The following PALMD variants were observed in gnomAD, a reference collection of about 807,000 sequenced individuals.
The protein encoded by PALMD is paralemmin-like protein.
A neutral mutation model predicts 56.2 loss-of-function variants in PALMD; 42 were observed. The ratio of observed to expected loss-of-function variants is 0.75; its 90% confidence interval spans 0.58 to 0.97. The LOEUF (loss-of-function observed/expected upper bound fraction) is 0.97. Among genes scored for constraint, PALMD ranks in the 50% least tolerant of loss-of-function variants. PALMD has a pLI of 0.00. For synonymous variants in PALMD, 242 were observed against 222.9 expected (o/e 1.09, Z -0.76); for missense variants, 660 against 643.8 (o/e 1.03, Z -0.27).
chr1:99,667,157 T>C (rs1652983050), intron 2 of PALMD, among the ~76,000 whole-genome samples: 1 of 152,166 alleles, frequency 6.6e-6, no homozygotes, highest in Admixed American at 6.5e-5. Flanking sequence ...CCACTAAAGA[T>C]TTTTTTAAAG....
intron 2 of PALMD, among the ~76,000 whole-genome samples, chr1:99,662,967 AT>A (rs370814426): frequency 2.0e-5 from 3 of 152,172 alleles, no homozygotes; most frequent in African/African-American, 7.2e-5. Flanking sequence ...GGGTGTGGCC[AT>A]TTTGTAATTA....
intron 3 of PALMD, among the ~76,000 whole-genome samples, chr1:99,680,078 T>G (rs896408038): frequency 2.0e-5 from 3 of 152,222 alleles, no homozygotes; most frequent in African/African-American, 7.2e-5. Context: ...AATGGCAAAC[T>G]CTATCAGGTT....
intron 3 of PALMD, chr1:99,669,471 A>G (rs1653039001): frequency 6.6e-6 from 1 of 152,158 alleles, no homozygotes; most frequent in South Asian, 2.1e-4. Flanking sequence ...TACTTTCTTT[A>G]TTCCTCAACA....
intron 1 of PALMD, among the ~76,000 whole-genome samples, chr1:99,648,527 A>G (rs1652492574): frequency 6.6e-6 from 1 of 152,136 alleles, no homozygotes; most frequent in South Asian, 2.1e-4. Flanking sequence ...AAACTCAGAG[A>G]GTATCTTCTC....
At position 99,688,893 on chromosome 1, in the gene PALMD, T is replaced by C. The variant is rs773950171; in HGVS notation, c.633T>C (p.Asp211=). ...DFKGTGIKVY[D]DGQKSVYAVS... is the part of the protein sequence containing the mutation. ...AAGGTACAGGAATAAAAGTTTATGA[T>C]GATGGGCAAAAGTCAGTGTATGCAG... is the stretch of plus-strand genomic sequence containing the variant. Residue 211 remains aspartate, a synonymous_variant, in exon 7 of 8, where the codon GAT becomes GAC. Transcript: ENST00000263174. 1 of 1,613,806 alleles carries C rather than the reference T, an allele frequency of 6.2e-7. No homozygotes were observed. The highest frequency in any genetic ancestry group is 8.5e-7 in the Non-Finnish European group (1 of 1,179,740).
At position 99,683,054 on chromosome 1, in the gene PALMD, A is replaced by AAGAG. The variant is rs775605217; in HGVS notation, c.252-3588_252-3585dup. 1.1e-3 allele frequency among the ~76,000 whole-genome samples: 29 copies of AAGAG among 26,306 alleles called. 1 individual carries two copies. Among genetic ancestry groups the AAGAG allele is most frequent in the Non-Finnish European group, 1.5e-3 (19 of 12,924 alleles). The allele number at this position is 26,306 out of a possible 152,430, so 17.3% of individuals were successfully genotyped here. A position where few individuals can be genotyped will look rare whatever the true frequency, so the allele number is the denominator to read the frequency against. On this transcript the variant is annotated intron_variant, in intron 3 of 7. Transcript: ENST00000263174. ...AAAGAAAGAAAGAAAGAAAGAAAGA[A>AAGAG]AGAGAGAGAGAGAGAGAGAGAGAGA... is the stretch of plus-strand genomic sequence containing the variant.
Position 99,686,946 on chromosome 1 carries a change from G to A in PALMD, c.383G>A (p.Arg128Lys). 6.3e-7 allele frequency: 1 copy of A among 1,579,914 alleles called. No individual in the cohort carries two copies. The change falls in exon 5 of 8, where the codon AGA (arginine) becomes AAA (lysine). Residue 128 changes from arginine (R) to lysine (K), a missense_variant. Physicochemically the swap from Arg to Lys is conservative, Grantham distance 26. Coordinates refer to ENST00000263174, the MANE Select transcript of PALMD (RefSeq NM_017734.5). ...EDIIRSVKVE[R>K]EERAEESIED... ...TTCTTACAGTCTGTGAAAGTGGAAA[G>A]AGAAGAAAGAGCAGAAGGTATGTTT...
intron 2 of PALMD, among the ~76,000 whole-genome samples, chr1:99,666,462 A>G (rs1652961373): frequency 6.6e-6 from 1 of 152,028 alleles, no homozygotes; most frequent in Admixed American, 6.6e-5. Flanking sequence ...AGATACTTGT[A>G]TCTCAGTGGT....
intron 3 of PALMD, chr1:99,669,676 A>T (rs1394132927): frequency 6.6e-6 from 1 of 152,246 alleles, no homozygotes; most frequent in African/African-American, 2.4e-5. Flanking sequence ...CTTGGGCAGC[A>T]TTCTGAGTAA....
chr1:99,692,549 A>T (rs1653672264), intron 7 of PALMD, among the ~76,000 whole-genome samples: 1 of 152,132 alleles, frequency 6.6e-6, no homozygotes, highest in Non-Finnish European at 1.5e-5. Context: ...TACTTGCCAT[A>T]GGCTTGAAAA....
intron 1 of PALMD, among the ~76,000 whole-genome samples, chr1:99,661,946 C>A (rs575559632): frequency 1.3e-5 from 2 of 152,116 alleles, no homozygotes; most frequent in Non-Finnish European, 2.9e-5. Flanking sequence ...AACCTTGGAC[C>A]AGGATCAGTC....
intron 1 of PALMD, among the ~76,000 whole-genome samples, chr1:99,648,335 C>T (rs1398991795): frequency 6.6e-6 from 1 of 152,128 alleles, no homozygotes; most frequent in Non-Finnish European, 1.5e-5. Flanking sequence ...ATCCACTCTC[C>T]TCCCTCTTGG....
intron 1 of PALMD, among the ~76,000 whole-genome samples, chr1:99,655,484 A>G (rs995618556): frequency 3.3e-5 from 5 of 151,820 alleles, no homozygotes; most frequent in Admixed American, 6.6e-5. Flanking sequence ...TCTGGATGCA[A>G]TTCACTCTAC....
chr1:99,652,699 A>AAAGGAAAGGAAAG (rs1557666517), intron 1 of PALMD, among the ~76,000 whole-genome samples: 43 of 83,522 alleles, frequency 5.1e-4, no homozygotes, highest in African/African-American at 1.0e-3. Flanking sequence ...GGAAAGGAAA[A>AAAGGAAAGGAAAG]GAAAAGAAAA....
chr1:99,686,632 T>A (rs759038251), intron 3 of PALMD, 44 bp from the exon 4 acceptor site: 1 of 971,608 alleles, frequency 1.0e-6, no homozygotes, highest in South Asian at 1.5e-5. Flanking sequence ...AACTCCGCAT[T>A]TGTACTGTGT....
chr1:99,689,449 TATA>T lies in PALMD; in HGVS notation c.1193_1195del (p.Asn398del). 1 of 1,613,692 alleles carries T rather than the reference TATA, an allele frequency of 6.2e-7. No individual in the cohort carries two copies. The highest frequency in any genetic ancestry group is 8.5e-7 in the Non-Finnish European group (1 of 1,179,804). ...TCAGGAGGACGAGGAAGATGTCAGA[TATA>T]ATATCGTTCATTCCCTGCCTCCAGA... On this transcript the variant is annotated inframe_deletion, in exon 7 of 8. Transcript: ENST00000263174.
chr1:99,661,936 A>C (rs960977362), intron 1 of PALMD, among the ~76,000 whole-genome samples: 12 of 152,140 alleles, frequency 7.9e-5, no homozygotes, highest in Non-Finnish European at 1.8e-4. Flanking sequence ...AGGCTTCTTC[A>C]ACCTTGGACC....
At position 99,686,667 on chromosome 1, in the gene PALMD, T is replaced by G; in HGVS notation, c.252-9T>G. Reference sequence around the variant, plus strand: ...TTAAGCAATAAAAAGTATACCTTTTTGTTGTCAGGCTTGAGAAAGAGATCC... The same window carrying G: ...TTAAGCAATAAAAAGTATACCTTTTGGTTGTCAGGCTTGAGAAAGAGATCC... On this transcript the variant is annotated splice_polypyrimidine_tract_variant and intron_variant, in intron 3 of 7. Coordinates refer to ENST00000263174, the MANE Select transcript of PALMD (RefSeq NM_017734.5). 6.9e-7 allele frequency: 1 copy of G among 1,448,098 alleles called. No homozygotes were observed. Among genetic ancestry groups the G allele is most frequent in the Non-Finnish European group, 9.6e-7 (1 of 1,037,450 alleles). 89.7% of individuals were successfully genotyped at this position (1,448,098 alleles called of 1,614,324 possible).
At chr1:99,667,580 G>T (rs950476893) in intron 2 of PALMD, 62 bp from the exon 3 acceptor site, 1 of 1,385,124 alleles carries the variant, frequency 7.2e-7, no homozygotes, top group South Asian at 1.2e-5. Flanking sequence ...TTTGAAAGCA[G>T]TAAGAGATTT....
Sources: gnomAD v4.1 joint callset for allele counts (sites outside exome capture counted in the v4.1 genomes callset) on GRCh38, gnomAD v4.1.1 for gene constraint, MANE v1.5 for transcripts, NCBI Gene and HGNC (gene_info 2026-07-23, HGNC 2026-07-21) for gene names.